ATP8A1: variants seen among roughly 807,000 people sequenced by gnomAD.
ATP8A1 encodes the protein phospholipid-transporting ATPase IA.
Under a neutral mutation model 177.7 loss-of-function variants are expected in ATP8A1, and 90 were observed. The ratio of observed to expected loss-of-function variants is 0.51; its 90% CI spans 0.43 to 0.60. ATP8A1 has a LOEUF of 0.60. ATP8A1 is among the 20% of genes least tolerant of loss of function. The probability of loss-of-function intolerance (pLI) is 0.00; values close to 1 mark genes in which losing one functional copy is unlikely to be tolerated. For synonymous variants in ATP8A1, 493 were observed against 485.9 expected (o/e 1.01, Z -0.19); for missense variants, 1,072 against 1,392.8 (o/e 0.77, Z 3.67).
At chr4:42,610,462 G>A (rs890227222) in intron 5 of ATP8A1, among the ~76,000 whole-genome samples, 10 of 151,996 alleles carry the variant, frequency 6.6e-5, no homozygotes, top group Admixed American at 6.6e-4. Context: ...GACAATGTGA[G>A]TGGAGTATGC....
chr4:42,501,485 T>C (rs1038741003), intron 24 of ATP8A1, among the ~76,000 whole-genome samples: 3 of 152,208 alleles, frequency 2.0e-5, no homozygotes, highest in African/African-American at 7.2e-5. Context: ...AGTGCACTCA[T>C]TAAAATTGTC....
intron 24 of ATP8A1, among the ~76,000 whole-genome samples, chr4:42,488,355 A>G (rs926864671): frequency 1.3e-5 from 2 of 152,030 alleles, no homozygotes; most frequent in African/African-American, 4.8e-5. Flanking sequence ...CAAAGTGAGA[A>G]TGAAATTTCT....
intron 6 of ATP8A1, among the ~76,000 whole-genome samples, chr4:42,593,968 C>T (rs1362755809): frequency 1.3e-5 from 2 of 151,750 alleles, no homozygotes; most frequent in Non-Finnish European, 2.9e-5. Flanking sequence ...ATCAATAGAA[C>T]CCAATCCATG....
chr4:42,490,762 C>T (rs185680444), intron 24 of ATP8A1, among the ~76,000 whole-genome samples: 189 of 152,152 alleles, frequency 1.2e-3, no homozygotes, highest in Non-Finnish European at 1.5e-3. Flanking sequence ...ACAAATAAAC[C>T]AAGACACATT....
intron 1 of ATP8A1, among the ~76,000 whole-genome samples, chr4:42,631,827 A>G (rs1738768176): frequency 6.6e-6 from 1 of 152,188 alleles, no homozygotes; most frequent in African/African-American, 2.4e-5. Context: ...GCTCCTGTAT[A>G]TGTTAGTCTT....
Position 42,424,942 on chromosome 4 carries a change from GA to G in ATP8A1, c.3124-1238del, listed in dbSNP as rs557621284. 2.6e-3 allele frequency among the ~76,000 whole-genome samples: 397 copies of G among 152,244 alleles called. 1 individual carries two copies. Among genetic ancestry groups the G allele is most frequent in the African/African-American group, 9.3e-3 (387 of 41,560 alleles). Reference sequence around the variant, plus strand: ...CCAATATTCGAGACACCAACAAGATGAAAAATACTCACATAAAAGTCACTTT... The same window carrying G: ...CCAATATTCGAGACACCAACAAGATGAAAATACTCACATAAAAGTCACTTT... On this transcript the variant is annotated intron_variant, in intron 33 of 36. Coordinates refer to ENST00000381668, the MANE Select transcript of ATP8A1 (RefSeq NM_006095.2).
chr4:42,538,983 T>C (rs537381917), intron 20 of ATP8A1, among the ~76,000 whole-genome samples: 22 of 152,224 alleles, frequency 1.4e-4, no homozygotes, highest in Admixed American at 4.6e-4. Flanking sequence ...CAATTTGCAA[T>C]TGCAAAAATA....
intron 35 of ATP8A1, among the ~76,000 whole-genome samples, chr4:42,417,886 GA>G (rs1713428596): frequency 1.3e-5 from 2 of 152,178 alleles, no homozygotes; most frequent in Non-Finnish European, 2.9e-5. Context: ...CCCTGGAGCT[GA>G]AAACATTTCA....
At chr4:42,434,136 T>C (rs1715634933) in intron 33 of ATP8A1, among the ~76,000 whole-genome samples, 1 of 152,142 alleles carries the variant, frequency 6.6e-6, no homozygotes, top group Non-Finnish European at 1.5e-5. Flanking sequence ...TATTGTCCTA[T>C]TTAAAAACTT....
chr4:42,448,374 G>GCCTC (rs1375721285), intron 30 of ATP8A1, among the ~76,000 whole-genome samples: 1 of 136,152 alleles, frequency 7.3e-6, no homozygotes, highest in East Asian at 2.1e-4. Context: ...TCAACAAGTA[G>GCCTC]CCTCCCTCCC....
chr4:42,610,582 CA>C (rs369420258), intron 5 of ATP8A1, among the ~76,000 whole-genome samples: 1,589 of 127,644 alleles, frequency 0.012, 18 homozygotes, highest in African/African-American at 0.042. Context: ...CCTTTGTGTG[CA>C]AAAAAAAAAA....
intron 8 of ATP8A1, 138 bp from the exon 9 acceptor site, chr4:42,586,614 C>G (rs1487619423): frequency 1.0e-5 from 9 of 858,956 alleles, no homozygotes. Flanking sequence ...TCTACTCTGT[C>G]AAATCATAAT....
chr4:42,637,838 T>G (rs1254574084), intron 1 of ATP8A1, among the ~76,000 whole-genome samples: 2 of 152,206 alleles, frequency 1.3e-5, no homozygotes. Context: ...GCTACTTAAG[T>G]GTCAAAATAC....
intron 1 of ATP8A1, among the ~76,000 whole-genome samples, chr4:42,652,410 TAATAA>T (rs1389546390): frequency 1.3e-5 from 2 of 152,232 alleles, no homozygotes; most frequent in African/African-American, 4.8e-5. Flanking sequence ...ATGTTATTAC[TAATAA>T]AATATCAATA....
intron 4 of ATP8A1, among the ~76,000 whole-genome samples, chr4:42,622,742 G>C (rs963350082): frequency 6.6e-6 from 1 of 152,164 alleles, no homozygotes; most frequent in African/African-American, 2.4e-5. Flanking sequence ...GGGTGCAGTG[G>C]CTCACGCCTG....
intron 33 of ATP8A1, among the ~76,000 whole-genome samples, chr4:42,432,738 T>G (rs1715451473): frequency 6.6e-6 from 1 of 152,202 alleles, no homozygotes; most frequent in Non-Finnish European, 1.5e-5. Flanking sequence ...AATCCTTCAG[T>G]AGCTGCACAT....
intron 22 of ATP8A1, 126 bp downstream of exon 22, chr4:42,522,034 A>G: frequency 1.9e-6 from 2 of 1,044,076 alleles, no homozygotes; most frequent in Non-Finnish European, 1.4e-6. Context: ...TTAGATGATG[A>G]GAGGGTATTC....
At chr4:42,521,132 T>C (rs1258224255) in intron 22 of ATP8A1, among the ~76,000 whole-genome samples, 3 of 152,310 alleles carry the variant, frequency 2.0e-5, no homozygotes, top group East Asian at 3.9e-4. Flanking sequence ...TTTACTTACC[T>C]GGAGAAAAGA....
intron 33 of ATP8A1, among the ~76,000 whole-genome samples, chr4:42,442,790 G>A (rs574004918): frequency 2.0e-5 from 3 of 152,238 alleles, no homozygotes; most frequent in South Asian, 2.1e-4. Flanking sequence ...CTGGGACTGC[G>A]GTAAAACAAT....
Sources: allele counts gnomAD v4.1 joint callset (sites outside exome capture counted in the v4.1 genomes callset), GRCh38; gene constraint gnomAD v4.1.1; transcripts MANE v1.5; gene names NCBI Gene and HGNC (gene_info 2026-07-23, HGNC 2026-07-21).